ACVR2A: variants seen among roughly 807,000 people sequenced by gnomAD.
ACVR2A encodes the protein activin receptor type-2A.
In ACVR2A, 7 loss-of-function variants were observed where a neutral mutation model predicts 61.4. The ratio of observed to expected loss-of-function variants is 0.11; its 90% CI spans 0.06 to 0.21. The LOEUF is 0.21. Ranked by LOEUF, ACVR2A falls within the 10% of genes least tolerant of loss-of-function variation. The pLI, the probability that ACVR2A is intolerant of heterozygous loss-of-function variation, is 1.00. For synonymous variants in ACVR2A, 193 were observed against 208.3 expected (o/e 0.93, Z 0.63); for missense variants, 322 against 621.7 (o/e 0.52, Z 5.13).
At chr2:147,844,835 CTGACAGTGATTT>C (rs1253618192), upstream of ACVR2A, 3 of 241,730 alleles carry the variant, frequency 1.2e-5, no homozygotes, top group Admixed American at 5.6e-5. Flanking sequence ...GCGAGCGGAG[CTGACAGTGATTT>C]TGACAGTGAT....
At chr2:147,903,101 G>T (rs764447157) in intron 4 of ACVR2A, 5 of 151,882 alleles carry the variant, frequency 3.3e-5, no homozygotes, top group African/African-American at 4.8e-5. Context: ...TTTCCTGGTT[G>T]TGTTAGTATT....
chr2:147,911,882 T>A (rs1687127147), intron 4 of ACVR2A, among the ~76,000 whole-genome samples: 1 of 152,076 alleles, frequency 6.6e-6, no homozygotes. Context: ...TTGGTTAATT[T>A]TTATATGTCA....
intron 1 of ACVR2A, among the ~76,000 whole-genome samples, chr2:147,879,002 A>G (rs1042770757): frequency 6.6e-5 from 10 of 152,192 alleles, no homozygotes; most frequent in Non-Finnish European, 2.9e-5. Flanking sequence ...GAGTTTAGAG[A>G]ATAGTATGAT....
At position 147,888,224 on chromosome 2, in the gene ACVR2A, C is replaced by A. The variant is rs949143276; in HGVS notation, c.56-8077C>A. On this transcript the variant is annotated intron_variant, in intron 1 of 10. Coordinates refer to ENST00000241416, the MANE Select transcript of ACVR2A (RefSeq NM_001616.5). Reference sequence around the variant, plus strand: ...CTTGCTGTCTTTATTATTGCAGTTACATTTTAAGCCTTAACGTCAGGAAAG... The same window carrying A: ...CTTGCTGTCTTTATTATTGCAGTTAAATTTTAAGCCTTAACGTCAGGAAAG... 2.6e-5 allele frequency among the ~76,000 whole-genome samples: 4 copies of A among 152,096 alleles called. No individual in the cohort carries two copies. The East Asian group carries it at 7.7e-4, about 29-fold the overall frequency.
Position 147,857,434 on chromosome 2 carries a change from C to G in ACVR2A, c.55+12227C>G, listed in dbSNP as rs572131927. ...CCTACTCTGTTATAGATAATAGAAC[C>G]ATTGAAACGTTATTTGTCAGTTAGG... On this transcript the variant is annotated intron_variant, in intron 1 of 10. Transcript: ENST00000241416. Among the ~76,000 whole-genome samples, 16 of 150,482 alleles carry G rather than the reference C, an allele frequency of 1.1e-4. 1 individual carries two copies. The South Asian group carries it at 3.4e-3, about 32-fold the overall frequency.
Position 147,845,071 on chromosome 2 carries a change from C to A in ACVR2A, c.-82C>A. 1.2e-6 allele frequency: 1 copy of A among 852,166 alleles called. No individual in the cohort carries two copies. Among genetic ancestry groups the A allele is most frequent in the Non-Finnish European group, 1.7e-6 (1 of 580,224 alleles). The allele number at this position is 852,166 out of a possible 1,614,324, so 52.8% of individuals were successfully genotyped here. Reference sequence around the variant, plus strand: ...TGTTTTATGACGGTTGATTTTACACCAGGAGGTTTGTCTCCGAGGAAGACC... The same window carrying A: ...TGTTTTATGACGGTTGATTTTACACAAGGAGGTTTGTCTCCGAGGAAGACC... On this transcript the variant is annotated 5_prime_UTR_variant, in exon 1 of 11. Transcript: ENST00000241416.
intron 1 of ACVR2A, among the ~76,000 whole-genome samples, chr2:147,867,744 C>T (rs1685899986): frequency 6.6e-6 from 1 of 152,132 alleles, no homozygotes; most frequent in African/African-American, 2.4e-5. Context: ...TACTTCTTGT[C>T]ACTTACAAAT....
Position 147,873,396 on chromosome 2 carries a change from GT to G in ACVR2A, c.56-22898del, listed in dbSNP as rs1316958067. 5.9e-5 allele frequency among the ~76,000 whole-genome samples: 9 copies of G among 151,956 alleles called. No individual in the cohort carries two copies. The South Asian group carries it at 1.9e-3, about 32-fold the overall frequency. On this transcript the variant is annotated intron_variant, in intron 1 of 10. Coordinates refer to ENST00000241416, the MANE Select transcript of ACVR2A (RefSeq NM_001616.5). ...ATCAATATGAACATGATTAATGTGG[GT>G]TTTTTTGGTGCTAATTTTTTGAAAT...
chr2:147,869,010 C>T (rs760640110), intron 1 of ACVR2A, among the ~76,000 whole-genome samples: 1 of 152,002 alleles, frequency 6.6e-6, no homozygotes, highest in South Asian at 2.1e-4. Flanking sequence ...AAGATTATAG[C>T]ATGTTTGCCC....
chr2:147,876,036 T>C (rs752032890), intron 1 of ACVR2A, among the ~76,000 whole-genome samples: 5 of 152,084 alleles, frequency 3.3e-5, no homozygotes, highest in Non-Finnish European at 5.9e-5. Context: ...GTACTTCTGT[T>C]AAGAAAAAGT....
intron 1 of ACVR2A, 51 bp from the exon 2 acceptor site, chr2:147,896,250 T>C: frequency 6.6e-7 from 1 of 1,509,626 alleles, no homozygotes; most frequent in Non-Finnish European, 9.1e-7. Flanking sequence ...GGAAACAGTC[T>C]TTTATTTTAA....
intron 1 of ACVR2A, among the ~76,000 whole-genome samples, chr2:147,857,298 A>G (rs556605541): frequency 1.3e-3 from 193 of 152,312 alleles, no homozygotes; most frequent in Admixed American, 2.5e-3. Context: ...GTCTAGCAAC[A>G]TATATTTAGC....
In ACVR2A at chr2:147,922,929, A is replaced by G. The variant is rs778194367; in HGVS notation, c.1078-44A>G. 14 of 1,577,694 alleles carry G rather than the reference A, an allele frequency of 8.9e-6. No individual in the cohort carries two copies. The East Asian group carries it at 2.9e-4, about 33-fold the overall frequency. On this transcript the variant is annotated intron_variant, in intron 8 of 10. Coordinates refer to ENST00000241416, the MANE Select transcript of ACVR2A (RefSeq NM_001616.5). ...CTTACAAAATCATATGTTAGTTCAT[A>G]AAGTTAATGAATGAGTACTCTTTGC...
At chr2:147,894,969 G>T (rs1343947871) in intron 1 of ACVR2A, among the ~76,000 whole-genome samples, 1 of 151,854 alleles carries the variant, frequency 6.6e-6, no homozygotes, top group Non-Finnish European at 1.5e-5. Flanking sequence ...TAAGTATGTT[G>T]GAAAAGGCTT....
intron 7 of ACVR2A, 22 bp from the exon 8 acceptor site, chr2:147,920,208 G>T: frequency 3.2e-6 from 5 of 1,548,328 alleles, no homozygotes; most frequent in South Asian, 1.1e-5. Context: ...AACTTAATTT[G>T]AATACTCTTT....
chr2:147,872,669 TG>T lies in ACVR2A; in HGVS notation c.56-23631del, dbSNP rs369873404. Among the ~76,000 whole-genome samples the T allele has an allele frequency of 2.3e-3, 348 of 151,636 alleles. 2 individuals carry two copies. Among genetic ancestry groups the T allele is most frequent in the Non-Finnish European group, 2.7e-3 (185 of 67,764 alleles). On this transcript the variant is annotated intron_variant, in intron 1 of 10. Coordinates refer to ENST00000241416, the MANE Select transcript of ACVR2A (RefSeq NM_001616.5). ...AATGCATCCTTTCTGAAAATTATGA[TG>T]TTTTTTTTCTTAATAACACATCTTT...
In ACVR2A at chr2:147,896,382, G is replaced by A; in HGVS notation, c.137G>A (p.Gly46Asp). The change falls in exon 2 of 11, where the codon GGT (glycine) becomes GAT (aspartate). Residue 46 changes from glycine to aspartate, a missense_variant. Physicochemically the swap from Gly to Asp is moderately conservative, Grantham distance 94. This residue lies in a region of ACVR2A where 142 missense variants were observed against 200.3 expected (regional missense o/e 0.71). Transcript: ENST00000241416. ...GAAAAAGACAGAACCAATCAAACTG[G>A]TGTTGAACCGTGTTATGGTGACAAA... ...NWEKDRTNQT[G>D]VEPCYGDKDK... The A allele has an allele frequency of 3.7e-6, 6 of 1,613,930 alleles. No homozygotes were observed. Among genetic ancestry groups the A allele is most frequent in the Non-Finnish European group, 5.1e-6 (6 of 1,179,912 alleles).
chr2:147,878,877 C>T (rs1424093583), intron 1 of ACVR2A, among the ~76,000 whole-genome samples: 1 of 151,766 alleles, frequency 6.6e-6, no homozygotes, highest in African/African-American at 2.4e-5. Context: ...CCACTGCACT[C>T]CAGCCTGGGT....
At chr2:147,905,838 A>G (rs984507388) in intron 4 of ACVR2A, among the ~76,000 whole-genome samples, 3 of 152,162 alleles carry the variant, frequency 2.0e-5, no homozygotes, top group South Asian at 2.1e-4. Flanking sequence ...TTCTGTGTCC[A>G]AAAGCAAAAA....
Sources: allele counts gnomAD v4.1 joint callset (sites outside exome capture counted in the v4.1 genomes callset), GRCh38; gene constraint gnomAD v4.1.1; regional missense constraint gnomAD v4.1.1; transcripts MANE v1.5; gene names NCBI Gene and HGNC (gene_info 2026-07-23, HGNC 2026-07-21).